FCHO2: variants seen among roughly 807,000 people sequenced by gnomAD.
FCHO2 encodes FCH and mu domain containing endocytic adaptor 2.
A neutral mutation model predicts 114.1 loss-of-function variants in FCHO2; 43 were observed. The observed-to-expected ratio is 0.38, with a 90% CI of 0.30 to 0.49. The LOEUF is 0.49. Among genes scored for constraint, FCHO2 ranks in the 20% least tolerant of loss-of-function variants. FCHO2 has a pLI of 0.97. For missense variants in FCHO2, 807 were observed against 950.4 expected (o/e 0.85, Z 1.98); for synonymous variants, 293 against 315.2 (o/e 0.93, Z 0.75).
chr5:73,046,410 G>T (rs1395635363), intron 11 of FCHO2, among the ~76,000 whole-genome samples: 1 of 152,090 alleles, frequency 6.6e-6, no homozygotes, highest in Non-Finnish European at 1.5e-5. Context: ...TCTACAGGAG[G>T]TTGGTCCAAA....
chr5:73,082,876 ATTT>A (rs11313621), intron 24 of FCHO2, 51 bp downstream of exon 24: 578 of 1,208,174 alleles, frequency 4.8e-4, no homozygotes, highest in East Asian at 1.4e-3. Context: ...CTGAAAATTG[ATTT>A]TTTTTTTTTT....
At chr5:72,990,682 C>T (rs1753765965) in intron 4 of FCHO2, 30 bp from the exon 5 acceptor site, 1 of 1,537,680 alleles carries the variant, frequency 6.5e-7, no homozygotes, top group Non-Finnish European at 8.7e-7. Flanking sequence ...ATAGTTCAGT[C>T]ATTTTGATGG....
intron 8 of FCHO2, chr5:73,020,673 A>AAG: frequency 1.8e-6 from 2 of 1,117,034 alleles, no homozygotes; most frequent in African/African-American, 1.5e-5. Context: ...ACTAGACCGC[A>AAG]AGGAACAGTT....
At position 72,968,567 on chromosome 5, in the gene FCHO2, C is replaced by T; in HGVS notation, c.103C>T (p.Leu35=). ...ACATGGACAGATATCAACAAAAGAA[C>T]TAGCAGATTTTGTAAGGGAACGGTA... The part of the protein sequence containing the change: ...MKHGQISTKE[L]ADFVRERATI... Residue 35 remains leucine, a synonymous_variant, in exon 2 of 26, where the codon CTA becomes TTA. Coordinates refer to ENST00000430046, the MANE Select transcript of FCHO2 (RefSeq NM_138782.3). 6.5e-7 allele frequency: 1 copy of T among 1,533,924 alleles called. No individual in the cohort carries two copies. The highest frequency in any genetic ancestry group is 8.7e-7 in the Non-Finnish European group (1 of 1,148,676).
chr5:73,087,383 CA>C (rs776741176), intron 24 of FCHO2, among the ~76,000 whole-genome samples: 1 of 152,024 alleles, frequency 6.6e-6, no homozygotes, highest in Non-Finnish European at 1.5e-5. Context: ...AGTATTGAGT[CA>C]AAGAAAAGCA....
chr5:73,026,061 C>T lies in FCHO2; in HGVS notation c.797-8596C>T, dbSNP rs116763247. ...CTGTAATCCCAGCACTTTCGGAGGC[C>T]GAGGCGACTGAACTCTAACTACTCC... On this transcript the variant is annotated intron_variant, in intron 8 of 25. Transcript: ENST00000430046. Among the ~76,000 whole-genome samples the T allele has an allele frequency of 7.4e-3, 1,120 of 151,656 alleles. 15 individuals are homozygous for T. The highest frequency in any genetic ancestry group is 0.026 in the African/African-American group (1,068 of 41,322).
intron 20 of FCHO2, among the ~76,000 whole-genome samples, chr5:73,076,026 G>T (rs1341122196): frequency 6.6e-6 from 1 of 152,130 alleles, no homozygotes; most frequent in Non-Finnish European, 1.5e-5. Flanking sequence ...ATTCCCTCCA[G>T]TGTTTAGAAA....
chr5:73,086,399 A>G (rs1252447630), intron 24 of FCHO2, among the ~76,000 whole-genome samples: 3 of 152,146 alleles, frequency 2.0e-5, no homozygotes, highest in Admixed American at 6.5e-5. Flanking sequence ...GTGACATCCT[A>G]TTCTCCATTT....
intron 8 of FCHO2, among the ~76,000 whole-genome samples, chr5:73,019,961 C>G (rs1489484034): frequency 6.6e-6 from 1 of 152,142 alleles, no homozygotes; most frequent in Admixed American, 6.5e-5. Flanking sequence ...ACACCTCTCA[C>G]CAAGGCCACC....
intron 5 of FCHO2, among the ~76,000 whole-genome samples, chr5:72,994,275 TAAAC>T (rs1753962694): frequency 6.6e-6 from 1 of 152,020 alleles, no homozygotes; most frequent in Non-Finnish European, 1.5e-5. Context: ...ATAAGGCACT[TAAAC>T]AAATTTACAA....
At chr5:72,965,480 C>T (rs567864145) in intron 1 of FCHO2, among the ~76,000 whole-genome samples, 15 of 152,256 alleles carry the variant, frequency 9.9e-5, no homozygotes, top group Admixed American at 2.0e-4. Context: ...TTGCCACAAA[C>T]CTTCAATTTG....
chr5:73,010,922 C>T (rs1754976074), intron 6 of FCHO2, among the ~76,000 whole-genome samples: 1 of 140,092 alleles, frequency 7.1e-6, no homozygotes, highest in Admixed American at 7.1e-5. Context: ...TACTTACTTA[C>T]ACATACCTAG....
At chr5:72,956,207 G>GGGCGGCGGC (rs140511986) in intron 1 of FCHO2, 78 bp downstream of exon 1, 10 of 1,471,892 alleles carry the variant, frequency 6.8e-6, no homozygotes, top group Non-Finnish European at 9.1e-6. Flanking sequence ...CGTGCGCTTC[G>GGGCGGCGGC]GGCGGCGGCG....
At chr5:73,013,470 T>C (rs962254104) in intron 6 of FCHO2, among the ~76,000 whole-genome samples, 3 of 152,172 alleles carry the variant, frequency 2.0e-5, no homozygotes, top group Admixed American at 2.0e-4. Context: ...GTTTGTACAA[T>C]AGAAATGACA....
At chr5:73,049,996 C>T (rs1246555487) in intron 11 of FCHO2, among the ~76,000 whole-genome samples, 1 of 152,114 alleles carries the variant, frequency 6.6e-6, no homozygotes, top group Non-Finnish European at 1.5e-5. Context: ...CATCCATTTC[C>T]TCTGCCCAAA....
At chr5:72,998,481 C>T (rs1277600311) in intron 5 of FCHO2, among the ~76,000 whole-genome samples, 4 of 151,296 alleles carry the variant, frequency 2.6e-5, no homozygotes, top group East Asian at 1.9e-4. Flanking sequence ...AGCGAAACTC[C>T]GTCTCAAAAA....
At chr5:73,061,806 G>A (rs945524085) in intron 17 of FCHO2, among the ~76,000 whole-genome samples, 1 of 152,076 alleles carries the variant, frequency 6.6e-6, no homozygotes, top group Non-Finnish European at 1.5e-5. Context: ...TAATGCTTTG[G>A]ATGGGATTTC....
intron 16 of FCHO2, among the ~76,000 whole-genome samples, chr5:73,057,766 G>A (rs1408333512): frequency 3.3e-5 from 5 of 151,884 alleles, no homozygotes; most frequent in African/African-American, 1.2e-4. Context: ...TATGTCTTTG[G>A]GCAGTTCATT....
intron 11 of FCHO2, among the ~76,000 whole-genome samples, chr5:73,049,949 C>T (rs757233479): frequency 1.3e-5 from 2 of 152,102 alleles, no homozygotes; most frequent in Non-Finnish European, 2.9e-5. Flanking sequence ...GGGGTCTCAT[C>T]AGTCAGCCCC....
Sources: gnomAD v4.1 joint callset for allele counts (sites outside exome capture counted in the v4.1 genomes callset) on GRCh38, gnomAD v4.1.1 for gene constraint, MANE v1.5 for transcripts, NCBI Gene and HGNC (gene_info 2026-07-23, HGNC 2026-07-21) for gene names.